The following GSG1L variants were observed in gnomAD, a reference collection of about 807,000 sequenced individuals.
GSG1L encodes GSG1 like.
In GSG1L, 24 loss-of-function variants were observed where a neutral mutation model predicts 42.1. That is an observed-to-expected ratio of 0.57 (90% CI 0.41 to 0.80). The LOEUF is 0.80. Among genes scored for constraint, GSG1L ranks in the 30% least tolerant of loss-of-function variants. The pLI is 0.00. For missense variants in GSG1L, 445 were observed against 472.2 expected (o/e 0.94, Z 0.53); for synonymous variants, 215 against 203.5 (o/e 1.06, Z -0.48).
chr16:27,840,381 A>T lies in GSG1L; in HGVS notation c.662+4569T>A, dbSNP rs139015990. On this transcript the variant is annotated intron_variant, in intron 4 of 6. Transcript: ENST00000447459. ...AAGGTGCTGGGATTACAGGTGAGCC[A>T]CTTTGCTCGGCCCCAACCTTAATCT... Among the ~76,000 whole-genome samples, 1,055 of 152,054 alleles carry T rather than the reference A, an allele frequency of 6.9e-3. 13 individuals are homozygous for T. Among genetic ancestry groups the T allele is most frequent in the African/African-American group, 0.024 (979 of 41,478 alleles).
intron 1 of GSG1L, among the ~76,000 whole-genome samples, chr16:28,042,546 T>C (rs2086118761): frequency 6.6e-6 from 1 of 151,980 alleles, no homozygotes; most frequent in African/African-American, 2.4e-5. Flanking sequence ...TCAGGAAGAT[T>C]CCATTGCAAC....
intron 1 of GSG1L, among the ~76,000 whole-genome samples, chr16:28,002,458 A>G (rs1171465411): frequency 1.3e-5 from 2 of 152,090 alleles, no homozygotes; most frequent in African/African-American, 4.8e-5. Flanking sequence ...CCATCTCTAC[A>G]AAAATGTTAA....
At chr16:27,913,958 C>G (rs2084421283) in intron 2 of GSG1L, among the ~76,000 whole-genome samples, 1 of 150,856 alleles carries the variant, frequency 6.6e-6, no homozygotes, top group South Asian at 2.1e-4. Context: ...CCAGCAATAA[C>G]TGGTAAAATT....
chr16:27,958,146 G>A (rs569990942), intron 2 of GSG1L, among the ~76,000 whole-genome samples: 14 of 152,214 alleles, frequency 9.2e-5, no homozygotes, highest in Admixed American at 5.2e-4. Flanking sequence ...GCTCACTCCT[G>A]TAATCCCAGC....
intron 1 of GSG1L, among the ~76,000 whole-genome samples, chr16:28,015,172 C>T (rs550879198): frequency 1.3e-5 from 2 of 152,126 alleles, no homozygotes; most frequent in South Asian, 4.1e-4. Flanking sequence ...TGGGCCAAAA[C>T]ATGGCTAAAC....
rs781301067 is a variant in GSG1L, at chr16:27,884,496, C to T, written c.540G>A (p.Thr180=). ...LKLNAFAAVF[T]VLSGLLGMVA... Reference sequence around the variant, plus strand: ...CCAGCCATGCCTTACCTGAGAGCACCGTGAAGACAGCCGCGAAGGCATTGA... The same window carrying T: ...CCAGCCATGCCTTACCTGAGAGCACTGTGAAGACAGCCGCGAAGGCATTGA... The change falls in exon 3 of 7, where the codon ACG becomes ACA. Residue 180 remains threonine (T), a synonymous_variant. Transcript: ENST00000447459. The surrounding 1 kb of genome is among the most constrained non-coding windows in gnomAD (Gnocchi z 4.4). 51 of 1,613,432 alleles carry T rather than the reference C, an allele frequency of 3.2e-5. No individual in the cohort carries two copies. Among genetic ancestry groups the T allele is most frequent in the Middle Eastern group, 3.3e-4 (2 of 6,084 alleles).
At position 28,063,113 on chromosome 16, in the gene GSG1L, G is replaced by A. The variant is rs1219994475; in HGVS notation, c.312C>T (p.Gly104=). The A allele has an allele frequency of 3.5e-6, 5 of 1,442,038 alleles. No individual in the cohort carries two copies. In the Admixed American group the frequency reaches 7.3e-5, roughly 21 times the overall value. 89.3% of individuals were successfully genotyped at this position (1,442,038 alleles called of 1,614,324 possible). The part of the protein sequence containing the change: ...DRFLFRNFHT[G]IWYSCEEELS... ...GCTCCTCCTCGCACGAGTACCAGAT[G>A]CCGGTGTGGAAATTCCTGAAGAGGA... The change falls in exon 1 of 7, where the codon GGC becomes GGT. Residue 104 remains glycine (G), a synonymous_variant. Coordinates refer to ENST00000447459, the MANE Select transcript of GSG1L (RefSeq NM_001109763.2). The surrounding 1 kb of genome is among the most constrained non-coding windows in gnomAD (Gnocchi z 5.8).
intron 1 of GSG1L, among the ~76,000 whole-genome samples, chr16:27,971,967 C>T (rs2085198326): frequency 6.6e-6 from 1 of 152,154 alleles, no homozygotes. Flanking sequence ...GACCACACAG[C>T]CAGTAAGAAA....
chr16:27,803,644 G>A (rs1032879141), intron 6 of GSG1L, among the ~76,000 whole-genome samples: 11 of 151,818 alleles, frequency 7.2e-5, no homozygotes, highest in Admixed American at 6.6e-5. Flanking sequence ...AGTTCAGGCC[G>A]CCACCATCAT....
At chr16:27,903,168 C>T (rs1402863001) in intron 2 of GSG1L, among the ~76,000 whole-genome samples, 1 of 152,014 alleles carries the variant, frequency 6.6e-6, no homozygotes, top group East Asian at 1.9e-4. Context: ...GAGCCTGGAG[C>T]TGGTGTGGCT....
chr16:27,803,258 C>T (rs35106006), intron 6 of GSG1L, among the ~76,000 whole-genome samples: 19,396 of 152,086 alleles, frequency 0.13, 1,640 homozygotes, highest in Non-Finnish European at 0.19. Flanking sequence ...CTTTCTCCAT[C>T]GCGCCCCAAG....
At chr16:27,959,227 G>A (rs1355722538) in intron 2 of GSG1L, among the ~76,000 whole-genome samples, 2 of 151,398 alleles carry the variant, frequency 1.3e-5, no homozygotes, top group Non-Finnish European at 2.9e-5. Flanking sequence ...GGAGGCCAAC[G>A]TGGGAGGATC....
chr16:27,932,056 A>G (rs776737419), intron 2 of GSG1L, among the ~76,000 whole-genome samples: 12 of 152,052 alleles, frequency 7.9e-5, no homozygotes, highest in Non-Finnish European at 1.8e-4. Context: ...AATACCTGAG[A>G]CTGGGTAATT....
At chr16:28,031,429 G>A (rs1459578331) in intron 1 of GSG1L, among the ~76,000 whole-genome samples, 1 of 151,338 alleles carries the variant, frequency 6.6e-6, no homozygotes, top group Non-Finnish European at 1.5e-5. Flanking sequence ...GGGATGGGTT[G>A]GCATGGGATG....
At chr16:27,801,787 T>C (rs2082885542) in intron 6 of GSG1L, among the ~76,000 whole-genome samples, 1 of 152,170 alleles carries the variant, frequency 6.6e-6, no homozygotes, top group Admixed American at 6.5e-5. Flanking sequence ...AATCCCAGCT[T>C]TGCTACTTTC....
In GSG1L at chr16:27,857,969, G is replaced by A. The variant is rs148988732; in HGVS notation, c.551-12908C>T. Among the ~76,000 whole-genome samples the A allele has an allele frequency of 9.2e-5, 14 of 152,218 alleles. No individual in the cohort carries two copies. In the East Asian group the frequency reaches 2.7e-3, roughly 29 times the overall value. ...TCAGGCCCCAGCTCACCCCCCACCA[G>A]CTCAGTCCTTCTGCCTTAGCATAGA... On this transcript the variant is annotated intron_variant, in intron 3 of 6. Coordinates refer to ENST00000447459, the MANE Select transcript of GSG1L (RefSeq NM_001109763.2).
intron 4 of GSG1L, among the ~76,000 whole-genome samples, chr16:27,833,179 A>C (rs1245585684): frequency 6.6e-6 from 1 of 152,196 alleles, no homozygotes; most frequent in Non-Finnish European, 1.5e-5. Context: ...TTGCCAGTGA[A>C]TGTCCAATAG....
At chr16:27,969,869 C>T (rs964372189) in intron 1 of GSG1L, among the ~76,000 whole-genome samples, 6 of 152,210 alleles carry the variant, frequency 3.9e-5, no homozygotes, top group Admixed American at 3.9e-4. Flanking sequence ...GCAACACTTG[C>T]TATTGTTCGT....
At position 27,790,070 on chromosome 16, in the gene GSG1L, GGATA is replaced by G. The variant is rs1478782275; in HGVS notation, c.*1296_*1299del. On this transcript the variant is annotated 3_prime_UTR_variant, in exon 7 of 7. Coordinates refer to ENST00000447459, the MANE Select transcript of GSG1L (RefSeq NM_001109763.2). ...ATGGATGGCAAATGGATGGATGAAT[GGATA>G]GATGATGGATGGATGGAAGGATGGA... 1 of 151,756 alleles carries G rather than the reference GGATA, an allele frequency of 6.6e-6. No individual in the cohort carries two copies. The highest frequency in any genetic ancestry group is 1.5e-5 in the Non-Finnish European group (1 of 67,920). 9.4% of individuals were successfully genotyped at this position (151,756 alleles called of 1,614,324 possible).
Sources: allele counts gnomAD v4.1 joint callset (sites outside exome capture counted in the v4.1 genomes callset), GRCh38; gene constraint gnomAD v4.1.1; non-coding constraint Gnocchi (gnomAD v3.1); transcripts MANE v1.5; gene names NCBI Gene and HGNC (gene_info 2026-07-23, HGNC 2026-07-21).